Variants in KIF27 observed in about 807,000 individuals in gnomAD.
KIF27 encodes kinesin-like protein KIF27.
A neutral mutation model predicts 141.8 loss-of-function variants in KIF27; 84 were observed. The observed-to-expected ratio is 0.59, with a 90% CI of 0.50 to 0.71. The LOEUF is 0.71. Ranked by LOEUF, KIF27 falls within the 30% of genes least tolerant of loss-of-function variation. The pLI, the probability that KIF27 is intolerant of heterozygous loss-of-function variation, is 0.00. For synonymous variants in KIF27, 471 were observed against 569.5 expected (o/e 0.83, Z 2.46); for missense variants, 1,306 against 1,628.4 (o/e 0.80, Z 3.41).
At chr9:83,865,029 T>C (rs1168261021) in intron 13 of KIF27, among the ~76,000 whole-genome samples, 1 of 151,780 alleles carries the variant, frequency 6.6e-6, no homozygotes, top group African/African-American at 2.4e-5. Flanking sequence ...ATTTGCTTGG[T>C]ATATCTTCCT....
intron 14 of KIF27, among the ~76,000 whole-genome samples, chr9:83,857,587 G>T (rs564994549): frequency 6.6e-6 from 1 of 152,214 alleles, no homozygotes; most frequent in South Asian, 2.1e-4. Flanking sequence ...TTTTGTTATG[G>T]GATCCCACAT....
At chr9:83,916,767 C>A (rs1161072636) in intron 1 of KIF27, among the ~76,000 whole-genome samples, 6 of 150,844 alleles carry the variant, frequency 4.0e-5, no homozygotes, top group African/African-American at 1.5e-4. Context: ...GGGTTCACAC[C>A]ATTCTCCTGC....
At chr9:83,843,704 T>C (rs1301157572) in intron 16 of KIF27, among the ~76,000 whole-genome samples, 3 of 152,164 alleles carry the variant, frequency 2.0e-5, no homozygotes, top group African/African-American at 7.2e-5. Context: ...AGTTATAACT[T>C]TGTTTTTATT....
Position 83,835,008 on chromosome 9 carries a change from T to G in KIF27, c.*1993A>C, listed in dbSNP as rs1945662547. Among the ~76,000 whole-genome samples, 1 of 147,984 alleles carries G rather than the reference T, an allele frequency of 6.8e-6. No individual in the cohort carries two copies. The highest frequency in any genetic ancestry group is 1.5e-5 in the Non-Finnish European group (1 of 67,462). ...CCTTCAACAAAGCACAGCAATAATA[T>G]ATTTAAATAAATATGTATTTATTAA... On this transcript the variant is annotated 3_prime_UTR_variant, in exon 18 of 18. Coordinates refer to ENST00000297814, the MANE Select transcript of KIF27 (RefSeq NM_017576.4).
chr9:83,841,746 A>G (rs906086922), intron 17 of KIF27, among the ~76,000 whole-genome samples: 1 of 152,206 alleles, frequency 6.6e-6, no homozygotes, highest in Non-Finnish European at 1.5e-5. Flanking sequence ...GGAATGCACT[A>G]AATCTACATA....
Position 83,835,360 on chromosome 9 carries a change from T to C in KIF27, c.*1641A>G, listed in dbSNP as rs989081650. On this transcript the variant is annotated 3_prime_UTR_variant, in exon 18 of 18. Coordinates refer to ENST00000297814, the MANE Select transcript of KIF27 (RefSeq NM_017576.4). ...CAAACAGTTCCTGGTAAAAATAAAATTTCCCAGTTAAGTTTGTAAATTAGT... is the reference window on the plus strand; with the variant it reads ...CAAACAGTTCCTGGTAAAAATAAAACTTCCCAGTTAAGTTTGTAAATTAGT... Among the ~76,000 whole-genome samples, 25 of 151,994 alleles carry C rather than the reference T, an allele frequency of 1.6e-4. No individual in the cohort carries two copies. Among genetic ancestry groups the C allele is most frequent in the African/African-American group, 5.3e-4 (22 of 41,530 alleles).
chr9:83,880,893 TTAAA>T (rs1364979594), intron 10 of KIF27, among the ~76,000 whole-genome samples: 1 of 152,252 alleles, frequency 6.6e-6, no homozygotes, highest in African/African-American at 2.4e-5. Flanking sequence ...TATCAATTTC[TTAAA>T]TATTCTTCCA....
intron 2 of KIF27, 26 bp downstream of exon 2, chr9:83,915,266 TAA>T (rs1309468763): frequency 6.4e-7 from 1 of 1,550,408 alleles, no homozygotes; most frequent in African/African-American, 1.4e-5. Context: ...GCGTCACAAA[TAA>T]AAGTCAAAGA....
intron 16 of KIF27, chr9:83,848,625 A>G (rs905135413): frequency 2.0e-5 from 3 of 149,138 alleles, no homozygotes; most frequent in Admixed American, 6.8e-5. Flanking sequence ...TATGATATAT[A>G]TATGCTATTC....
Position 83,850,257 on chromosome 9 carries a change from T to A in KIF27, c.3398A>T (p.Tyr1133Phe). The A allele has an allele frequency of 6.2e-7, 1 of 1,613,932 alleles. No individual in the cohort carries two copies. Among genetic ancestry groups the A allele is most frequent in the Non-Finnish European group, 8.5e-7 (1 of 1,179,790 alleles). Residue 1133 changes from tyrosine (Y) to phenylalanine (F), a missense_variant, in exon 16 of 18, where the codon TAT becomes TTT. Transcript: ENST00000297814. ...AACTTTCATTTTCATTTCTTCATTA[T>A]ATAACTGTTGTTTCCGTTCAGCTTC... ...LREAERKQQL[Y>F]NEEMKMKVLE...
intron 15 of KIF27, among the ~76,000 whole-genome samples, chr9:83,851,574 T>C (rs1948593773): frequency 6.6e-6 from 1 of 152,164 alleles, no homozygotes; most frequent in Non-Finnish European, 1.5e-5. Flanking sequence ...CAAGCTGGTC[T>C]TGAATTCCTG....
intron 3 of KIF27, among the ~76,000 whole-genome samples, chr9:83,905,264 G>A (rs1280249347): frequency 1.1e-4 from 16 of 151,910 alleles, no homozygotes; most frequent in African/African-American, 3.6e-4. Context: ...GATTACAGGC[G>A]CCCACCACCA....
chr9:83,898,210 T>G (rs971691654), intron 5 of KIF27, among the ~76,000 whole-genome samples: 3 of 151,970 alleles, frequency 2.0e-5, no homozygotes, highest in African/African-American at 7.2e-5. Flanking sequence ...AATTGTGGTA[T>G]AGTCATACAA....
chr9:83,848,210 T>TATATCTGATATATCAGATATG (rs1564285952), intron 16 of KIF27, among the ~76,000 whole-genome samples: 2 of 50,854 alleles, frequency 3.9e-5, no homozygotes, highest in Non-Finnish European at 7.4e-5. Context: ...TCAGATATGA[T>TATATCTGATATATCAGATATG]ATATATGATA....
intron 5 of KIF27, among the ~76,000 whole-genome samples, chr9:83,896,234 A>C (rs1953236669): frequency 6.6e-6 from 1 of 151,954 alleles, no homozygotes; most frequent in African/African-American, 2.4e-5. Flanking sequence ...ACACAGTGAG[A>C]CTCCGTCTCA....
chr9:83,887,068 C>G lies in KIF27; in HGVS notation c.2212G>C (p.Asp738His), dbSNP rs150902888. Reference sequence around the variant, plus strand: ...GTTTTTATTAATTCTTTAATCAGATCTTCCTTCATCTTGATGTTAATTGTA... The same window carrying G: ...GTTTTTATTAATTCTTTAATCAGATGTTCCTTCATCTTGATGTTAATTGTA... ...ELTINIKMKE[D>H]LIKELIKTGN... is the part of the protein sequence containing the mutation. Residue 738 changes from aspartate to histidine, a missense_variant, in exon 9 of 18, where the codon GAT (aspartate) becomes CAT (histidine). Asp to His is a moderately conservative substitution (Grantham distance 81). Coordinates refer to ENST00000297814, the MANE Select transcript of KIF27 (RefSeq NM_017576.4). 5.6e-6 allele frequency: 9 copies of G among 1,593,868 alleles called. No individual in the cohort carries two copies. In the African/African-American group the frequency reaches 8.2e-5, roughly 14 times the overall value.
At chr9:83,901,743 T>C (rs1953916017) in intron 4 of KIF27, among the ~76,000 whole-genome samples, 1 of 152,118 alleles carries the variant, frequency 6.6e-6, no homozygotes, top group Non-Finnish European at 1.5e-5. Flanking sequence ...GATGGTGGCA[T>C]GTGCCTATAG....
chr9:83,905,742 C>T (rs1156804622), intron 3 of KIF27, among the ~76,000 whole-genome samples: 11 of 152,120 alleles, frequency 7.2e-5, no homozygotes, highest in Admixed American at 7.2e-4. Flanking sequence ...AGTGCCAATG[C>T]CCAGGTACCA....
chr9:83,903,375 G>C lies in KIF27; in HGVS notation c.1143C>G (p.Thr381=). The C allele has an allele frequency of 6.2e-7, 1 of 1,614,064 alleles. No individual in the cohort carries two copies. The highest frequency in any genetic ancestry group is 8.5e-7 in the Non-Finnish European group (1 of 1,180,030). ...QSQQAGVSQT[T]QINREGSPDT... is the part of the protein sequence containing the mutation. ...CAGGACTCCCTTCTCGATTGATCTG[G>C]GTAGTTTGGCTGACACCAGCCTGCT... The change falls in exon 4 of 18, where the codon ACC becomes ACG. Residue 381 remains threonine (T), a synonymous_variant. Coordinates refer to ENST00000297814, the MANE Select transcript of KIF27 (RefSeq NM_017576.4).
Sources: gnomAD v4.1 joint callset for allele counts (sites outside exome capture counted in the v4.1 genomes callset) on GRCh38, gnomAD v4.1.1 for gene constraint, MANE v1.5 for transcripts, NCBI Gene and HGNC (gene_info 2026-07-23, HGNC 2026-07-21) for gene names.